The following SUCLG2 variants were observed in gnomAD, a reference collection of about 807,000 sequenced individuals.
The protein encoded by SUCLG2 is succinate--CoA ligase [GDP-forming] subunit beta, mitochondrial.
SUCLG2 carries 42 observed loss-of-function variants against 47.9 expected under a neutral mutation model. That is an observed-to-expected ratio of 0.88 (90% CI 0.69 to 1.14). The LOEUF is 1.14. SUCLG2 is among the 50% of genes most tolerant of loss of function. The pLI, the probability that SUCLG2 is intolerant of heterozygous loss-of-function variation, is 0.00. For missense variants in SUCLG2, 571 were observed against 525.9 expected, an observed-to-expected ratio of 1.09 and a Z score of -0.84; for synonymous variants, 195 against 197.3, an observed-to-expected ratio of 0.99 and a Z score of 0.10.
chr3:67,387,944 T>G (rs1443656779), intron 10 of SUCLG2, among the ~76,000 whole-genome samples: 1 of 151,828 alleles, frequency 6.6e-6, no homozygotes, highest in Non-Finnish European at 1.5e-5. Context: ...AAAAAAAATG[T>G]CAGCTACTAG....
intron 9 of SUCLG2, among the ~76,000 whole-genome samples, chr3:67,446,417 ATTTTTTTTTTTTTTTTTT>A (rs750956324): frequency 1.2e-4 from 4 of 32,196 alleles, no homozygotes; most frequent in African/African-American, 3.9e-4. Context: ...ACATATGTAC[ATTTTTTTTTTTTTTTTTT>A]TTTTTTTTTT....
chr3:67,371,738 A>C (rs117443457), downstream of SUCLG2, among the ~76,000 whole-genome samples: 296 of 152,312 alleles, frequency 1.9e-3, 6 homozygotes, highest in East Asian at 0.044. Flanking sequence ...TCAAATGATC[A>C]TAAGTGGCAT....
At chr3:67,619,325 G>A (rs1327203902) in intron 1 of SUCLG2, among the ~76,000 whole-genome samples, 1 of 152,216 alleles carries the variant, frequency 6.6e-6, no homozygotes, top group African/African-American at 2.4e-5. Context: ...AGCAAAAGAA[G>A]GTTCAGAGTA....
chr3:67,529,047 G>T (rs1706331471), intron 3 of SUCLG2, 40 bp downstream of exon 3: 1 of 1,548,392 alleles, frequency 6.5e-7, no homozygotes. Context: ...TTCCATAACT[G>T]CTTGGCCAAA....
intron 10 of SUCLG2, among the ~76,000 whole-genome samples, chr3:67,367,459 C>G (rs1701891985): frequency 6.6e-6 from 1 of 152,120 alleles, no homozygotes; most frequent in Non-Finnish European, 1.5e-5. Context: ...TCTCACTTAA[C>G]TTTATGCAGT....
Position 67,375,024 on chromosome 3 carries a change from A to G in SUCLG2, c.*720T>C. 1.0e-6 allele frequency: 1 copy of G among 985,824 alleles called. No individual in the cohort carries two copies. The highest frequency in any genetic ancestry group is 1.2e-6 in the Non-Finnish European group (1 of 829,930). 61.1% of individuals were successfully genotyped at this position (985,824 alleles called of 1,614,324 possible). A position where few individuals can be genotyped will look rare whatever the true frequency, so the allele number is the denominator to read the frequency against. On this transcript the variant is annotated 3_prime_UTR_variant, in exon 11 of 11. Transcript: ENST00000307227. ...AGAATCAGGATTCATTTTTGACACA[A>G]AAATGGAAGCTTCCACTCCCAAAAT... is the stretch of plus-strand genomic sequence containing the variant.
chr3:67,647,514 G>A (rs1361632531), intron 1 of SUCLG2, among the ~76,000 whole-genome samples: 1 of 152,248 alleles, frequency 6.6e-6, no homozygotes, highest in Non-Finnish European at 1.5e-5. Flanking sequence ...GAGGGCAGTA[G>A]TTTGTGCTAA....
chr3:67,407,384 A>G (rs1702839004), intron 9 of SUCLG2, among the ~76,000 whole-genome samples: 2 of 152,180 alleles, frequency 1.3e-5, no homozygotes, highest in African/African-American at 4.8e-5. Context: ...CTGATAACAC[A>G]AAGGTACCCA....
intron 2 of SUCLG2, among the ~76,000 whole-genome samples, chr3:67,595,225 G>C (rs1020689476): frequency 2.0e-5 from 3 of 152,174 alleles, no homozygotes; most frequent in African/African-American, 7.2e-5. Flanking sequence ...TCCAAACACT[G>C]TGAAGTTAAA....
intron 2 of SUCLG2, among the ~76,000 whole-genome samples, chr3:67,586,284 C>T (rs186831956): frequency 6.6e-6 from 1 of 152,320 alleles, no homozygotes; most frequent in East Asian, 1.9e-4. Flanking sequence ...AAGGCAGAAA[C>T]TTGAGAGTTC....
chr3:67,439,236 C>T (rs940424648), intron 9 of SUCLG2, among the ~76,000 whole-genome samples: 5 of 152,132 alleles, frequency 3.3e-5, no homozygotes, highest in African/African-American at 7.2e-5. Context: ...TGGAACATAT[C>T]GCAAAATAAT....
At chr3:67,608,361 C>T (rs1177666467) in intron 2 of SUCLG2, among the ~76,000 whole-genome samples, 2 of 152,214 alleles carry the variant, frequency 1.3e-5, no homozygotes, top group Admixed American at 6.5e-5. Context: ...CATGAAGCAA[C>T]ATCCCATGTG....
At chr3:67,590,977 GT>G (rs1708146731) in intron 2 of SUCLG2, among the ~76,000 whole-genome samples, 1 of 152,168 alleles carries the variant, frequency 6.6e-6, no homozygotes, top group African/African-American at 2.4e-5. Context: ...ATTATTTACA[GT>G]TGTAGAGAGG....
chr3:67,542,274 A>G (rs527887177), intron 2 of SUCLG2, among the ~76,000 whole-genome samples: 2 of 152,330 alleles, frequency 1.3e-5, no homozygotes, highest in South Asian at 4.1e-4. Flanking sequence ...ACAGAGAAGT[A>G]AATGCTGAGA....
intron 9 of SUCLG2, among the ~76,000 whole-genome samples, chr3:67,464,505 C>G (rs1032281053): frequency 3.3e-5 from 5 of 152,198 alleles, no homozygotes; most frequent in African/African-American, 9.6e-5. Context: ...AAAAGCCAGT[C>G]TCAAAGATCT....
chr3:67,553,576 T>G (rs1055189718), intron 2 of SUCLG2, among the ~76,000 whole-genome samples: 2 of 152,216 alleles, frequency 1.3e-5, no homozygotes. Context: ...TTAATTTTTC[T>G]TAAACATTTT....
At chr3:67,544,259 T>C (rs1004771464) in intron 2 of SUCLG2, among the ~76,000 whole-genome samples, 2 of 152,204 alleles carry the variant, frequency 1.3e-5, no homozygotes, top group African/African-American at 4.8e-5. Flanking sequence ...GAAGAACTAT[T>C]GATATGGTTT....
chr3:67,391,321 A>C (rs368987557), intron 10 of SUCLG2, among the ~76,000 whole-genome samples: 2 of 152,162 alleles, frequency 1.3e-5, no homozygotes, highest in East Asian at 1.9e-4. Flanking sequence ...TGGAGCCACA[A>C]ATAGAAGAGT....
intron 1 of SUCLG2, among the ~76,000 whole-genome samples, chr3:67,620,611 A>G (rs1309258120): frequency 3.4e-5 from 5 of 149,080 alleles, no homozygotes; most frequent in Non-Finnish European, 7.5e-5. Context: ...AAAGAAAGAA[A>G]AAAGAAAAAG....
Sources: allele counts gnomAD v4.1 joint callset (sites outside exome capture counted in the v4.1 genomes callset), GRCh38; gene constraint gnomAD v4.1.1; transcripts MANE v1.5; gene names NCBI Gene and HGNC (gene_info 2026-07-23, HGNC 2026-07-21).